The following IGFALS variants were observed in gnomAD, a reference collection of about 807,000 sequenced individuals.
IGFALS encodes the protein insulin like growth factor binding protein acid labile subunit.
A neutral mutation model predicts 2.6 loss-of-function variants in IGFALS; 2 were observed. That is an observed-to-expected ratio of 0.77 (90% CI 0.32 to 2.44). The LOEUF is 2.44. Among genes scored for constraint, IGFALS ranks in the 30% most tolerant of loss-of-function variants. The pLI, the probability that IGFALS is intolerant of heterozygous loss-of-function variation, is 0.11. For synonymous variants in IGFALS, 519 were observed against 431.9 expected (o/e 1.20, Z -2.50); for missense variants, 996 against 848.7 (o/e 1.17, Z -2.16).
At chr16:1,794,708 G>T, upstream of IGFALS, 1 of 621,274 alleles carries the variant, frequency 1.6e-6, no homozygotes, top group Non-Finnish European at 2.9e-6. Flanking sequence ...AGTGGGGCCT[G>T]CCCACCAGTC....
At position 1,791,782 on chromosome 16, in the gene IGFALS, C is replaced by G. The variant is rs776813506; in HGVS notation, c.636G>C (p.Ala212=). 2 of 1,548,152 alleles carry G rather than the reference C, an allele frequency of 1.3e-6. No homozygotes were observed. Among genetic ancestry groups the G allele is most frequent in the Admixed American group, 1.9e-5 (1 of 51,822 alleles). Residue 212 remains alanine (A), a synonymous_variant, in exon 2 of 2, where the codon GCG becomes GCC. Coordinates refer to ENST00000215539, the MANE Select transcript of IGFALS (RefSeq NM_004970.3). ...GGAGCTCGGCCAGGCCGCTGAAGAGCGCGGGCTGCAGGTAGGCCAGCCTGT... is the reference window on the plus strand; with the variant it reads ...GGAGCTCGGCCAGGCCGCTGAAGAGGGCGGGCTGCAGGTAGGCCAGCCTGT... ...AGNRLAYLQP[A]LFSGLAELRE...
At chr16:1,792,972 G>A (rs28469124) in intron 1 of IGFALS, among the ~76,000 whole-genome samples, 4 of 152,122 alleles carry the variant, frequency 2.6e-5, no homozygotes, top group African/African-American at 7.2e-5. Flanking sequence ...CACCGCCGTC[G>A]GGGGACAGGT....
chr16:1,791,004 C>G lies in IGFALS; in HGVS notation c.1414G>C (p.Glu472Gln), dbSNP rs762140953. The G allele has an allele frequency of 1.3e-5, 20 of 1,597,934 alleles. No homozygotes were observed. The highest frequency in any genetic ancestry group is 1.4e-5 in the Non-Finnish European group (16 of 1,179,616). Reference sequence around the variant, plus strand: ...GGGCCCAGGGCGTCCGCCGGCAGCTCTGCCAGGCGGTTGCGGGAGAGCAGC... The same window carrying G: ...GGGCCCAGGGCGTCCGCCGGCAGCTGTGCCAGGCGGTTGCGGGAGAGCAGC... ...YLLLSRNRLA[E>Q]LPADALGPLQ... Residue 472 changes from glutamate (E) to glutamine (Q), a missense_variant, in exon 2 of 2, where the codon GAG (glutamate) becomes CAG (glutamine). Transcript: ENST00000215539.
intron 1 of IGFALS, among the ~76,000 whole-genome samples, 165 bp downstream of exon 1, chr16:1,793,472 C>T (rs1412525205): frequency 6.6e-6 from 1 of 152,100 alleles, no homozygotes; most frequent in Non-Finnish European, 1.5e-5. Context: ...CCTGCCAACC[C>T]CAGCAGCCGC....
rs761807331 is a variant in IGFALS at position 1,791,546 on chromosome 16, C to T, written c.872G>A (p.Gly291Asp). 128 of 1,578,158 alleles carry T rather than the reference C, an allele frequency of 8.1e-5. No homozygotes were observed. The highest frequency in any genetic ancestry group is 1.0e-4 in the Non-Finnish European group (119 of 1,163,816). The change falls in exon 2 of 2, where the codon GGC (glycine) becomes GAC (aspartate). Residue 291 changes from glycine (G) to aspartate (D), a missense_variant. Physicochemically the swap from Gly to Asp is moderately conservative, Grantham distance 94. Coordinates refer to ENST00000215539, the MANE Select transcript of IGFALS (RefSeq NM_004970.3). ...LLEDTFPGLL[G>D]LRVLRLSHNA... ...GTGGGACAGCCGCAGCACACGCAGG[C>T]CCAGCAGACCGGGGAACGTGTCCTC...
At chr16:1,794,872 C>T (rs994326170), upstream of IGFALS, 95 of 702,196 alleles carry the variant, frequency 1.4e-4, 2 homozygotes, top group Admixed American at 2.0e-5. Flanking sequence ...TGGGAAGCCG[C>T]CGGCCCACTG....
Position 1,790,980 on chromosome 16 carries a change from G to T in IGFALS, c.1438C>A (p.Pro480Thr). Reference protein sequence around the residue: ...LAELPADALGPLQRAFWLDVS... With the variant: ...LAELPADALGTLQRAFWLDVS... The stretch of plus-strand genomic sequence containing the variant: ...TCCAGCCAGAAGGCCCGCTGCAGGG[G>T]GCCCAGGGCGTCCGCCGGCAGCTCT... Residue 480 changes from proline (P) to threonine (T), a missense_variant, in exon 2 of 2, where the codon CCC becomes ACC. By Grantham distance (38) the Pro-to-Thr change is conservative. Transcript: ENST00000215539. 3 of 1,597,288 alleles carry T rather than the reference G, an allele frequency of 1.9e-6. No homozygotes were observed. Among genetic ancestry groups the T allele is most frequent in the Non-Finnish European group, 2.5e-6 (3 of 1,179,332 alleles).
At position 1,791,576 on chromosome 16, in the gene IGFALS, A is replaced by C; in HGVS notation, c.842T>G (p.Leu281Arg). Residue 281 changes from leucine (L) to arginine (R), a missense_variant, in exon 2 of 2, where the codon CTC becomes CGC. Physicochemically the swap from Leu to Arg is moderately radical, Grantham distance 102 (BLOSUM62 -2). Coordinates refer to ENST00000215539, the MANE Select transcript of IGFALS (RefSeq NM_004970.3). ...CAGACCGGGGAACGTGTCCTCCAGG[A>C]GGCCAGCCACGCGGTTGTGGGACAG... ...LDLSHNRVAGLLEDTFPGLLG... is the reference protein window; with the variant it reads ...LDLSHNRVAGRLEDTFPGLLG... 6.4e-7 allele frequency: 1 copy of C among 1,564,094 alleles called. No homozygotes were observed. The highest frequency in any genetic ancestry group is 8.6e-7 in the Non-Finnish European group (1 of 1,156,398).
In IGFALS at chr16:1,791,255, A is replaced by G. The variant is rs1897217760; in HGVS notation, c.1163T>C (p.Leu388Pro). ...GCTGCCCTCCAGGTGCAGGCTGTGCAGCTTGCCCAGGCCCCGGAACACCTG... is the reference window on the plus strand; with the variant it reads ...GCTGCCCTCCAGGTGCAGGCTGTGCGGCTTGCCCAGGCCCCGGAACACCTG... The part of the protein sequence containing the change: ...PEQVFRGLGK[L>P]HSLHLEGSCL... Residue 388 changes from leucine (L) to proline (P), a missense_variant, in exon 2 of 2, where the codon CTG becomes CCG. Leu to Pro is a moderately conservative substitution (Grantham distance 98, BLOSUM62 -3). Coordinates refer to ENST00000215539, the MANE Select transcript of IGFALS (RefSeq NM_004970.3). 1 of 1,608,942 alleles carries G rather than the reference A, an allele frequency of 6.2e-7. No homozygotes were observed. The highest frequency in any genetic ancestry group is 1.3e-5 in the African/African-American group (1 of 74,928).
At position 1,790,851 on chromosome 16, in the gene IGFALS, G is replaced by A. The variant is rs1474520692; in HGVS notation, c.1567C>T (p.Pro523Ser). ...AGGCGCTCCAGGCCCGGGGGCTGCG[G>A]CGTGAAGGTCCGCAGTGAGTTGTTC... ...LRNNSLRTFT[P>S]QPPGLERLWL... Residue 523 changes from proline to serine, a missense_variant, in exon 2 of 2, where the codon CCG becomes TCG. Physicochemically the swap from Pro to Ser is moderately conservative, Grantham distance 74. Coordinates refer to ENST00000215539, the MANE Select transcript of IGFALS (RefSeq NM_004970.3). 6.4e-7 allele frequency: 1 copy of A among 1,566,724 alleles called. No homozygotes were observed. Among genetic ancestry groups the A allele is most frequent in the Non-Finnish European group, 8.6e-7 (1 of 1,157,020 alleles).
At position 1,791,714 on chromosome 16, in the gene IGFALS, G is replaced by T; in HGVS notation, c.704C>A (p.Ala235Glu). Reference protein sequence around the residue: ...LSRNALRAIKANVFVQLPRLQ... With the variant: ...LSRNALRAIKENVFVQLPRLQ... ...CCGGGGCAGCTGCACGAACACGTTTGCCTTGATGGCCCGCAGCGCGTTCCT... is the reference window on the plus strand; with the variant it reads ...CCGGGGCAGCTGCACGAACACGTTTTCCTTGATGGCCCGCAGCGCGTTCCT... The change falls in exon 2 of 2, where the codon GCA (alanine) becomes GAA (glutamate). Residue 235 changes from alanine to glutamate, a missense_variant. Ala to Glu is a moderately radical substitution (Grantham distance 107). Transcript: ENST00000215539. 6.4e-7 allele frequency: 1 copy of T among 1,564,748 alleles called. No homozygotes were observed.
rs766055372 is a variant in IGFALS, at chr16:1,792,223, G to A, written c.195C>T (p.Leu65=). The A allele has an allele frequency of 6.2e-7, 1 of 1,606,948 alleles. No homozygotes were observed. Residue 65 remains leucine, a synonymous_variant, in exon 2 of 2, where the codon CTC becomes CTT. Coordinates refer to ENST00000215539, the MANE Select transcript of IGFALS (RefSeq NM_004970.3). ...ELSVFCSSRN[L]TRLPDGVPGG... ...CCGGGACTCCATCAGGCAGGCGCGT[G>A]AGGTTCCTGGAGCTGCAGAAGACGC...
rs1567241420 is a variant in IGFALS, at chr16:1,791,586, CG to C, written c.831del (p.Val278TrpfsTer68). The C allele has an allele frequency of 6.4e-7, 1 of 1,563,386 alleles. No homozygotes were observed. Among genetic ancestry groups the C allele is most frequent in the East Asian group, 2.4e-5 (1 of 41,624 alleles). On this transcript the variant is annotated frameshift_variant, in exon 2 of 2. Transcript: ENST00000215539. LOFTEE classifies it low-confidence loss of function (END_TRUNC). The part of the protein sequence containing the change: ...ALRWLDLSHN[R>X]VAGLLEDTFP... The stretch of plus-strand genomic sequence containing the variant: ...AACGTGTCCTCCAGGAGGCCAGCCA[CG>C]CGGTTGTGGGACAGGTCCAGCCATC...
At position 1,791,097 on chromosome 16, in the gene IGFALS, G is replaced by A. The variant is rs1238341207; in HGVS notation, c.1321C>T (p.Leu441=). ...WGLAELLELD[L]TSNQLTHLPH... ...AGGTGCGTGAGCTGGTTGGAGGTCA[G>A]GTCGAGCTCCAGCAGCTCCGCCAGC... The change falls in exon 2 of 2, where the codon CTG becomes TTG. Residue 441 remains leucine, a synonymous_variant. Transcript: ENST00000215539. The A allele has an allele frequency of 6.2e-7, 1 of 1,600,698 alleles. No individual in the cohort carries two copies. The highest frequency in any genetic ancestry group is 1.7e-5 in the Admixed American group (1 of 60,000).
chr16:1,790,629 G>A lies in IGFALS; in HGVS notation c.1789C>T (p.Leu597Phe), dbSNP rs766112684. Residue 597 changes from leucine (L) to phenylalanine (F), a missense_variant, in exon 2 of 2, where the codon CTC (leucine) becomes TTC (phenylalanine). Physicochemically the swap from Leu to Phe is conservative, Grantham distance 22. Transcript: ENST00000215539. ...CAGGGAGCAAAGTGGGCCTCGCTGA[G>A]GTCCCGCAGGTCGAGCCCCACGACC... ...PEVVGLDLRD[L>F]SEAHFAPC 6.3e-7 allele frequency: 1 copy of A among 1,579,142 alleles called. No individual in the cohort carries two copies. The highest frequency in any genetic ancestry group is 8.6e-7 in the Non-Finnish European group (1 of 1,163,694).
In IGFALS at chr16:1,791,816, A is replaced by G; in HGVS notation, c.602T>C (p.Leu201Pro). 1.3e-6 allele frequency: 2 copies of G among 1,549,612 alleles called. No individual in the cohort carries two copies. Among genetic ancestry groups the G allele is most frequent in the Non-Finnish European group, 1.7e-6 (2 of 1,149,252 alleles). Reference protein sequence around the residue: ...RGLGSLRELVLAGNRLAYLQP... With the variant: ...RGLGSLRELVPAGNRLAYLQP... ...CAGGTAGGCCAGCCTGTTGCCCGCC[A>G]GCACCAGCTCGCGCAGGCTGCCCAG... The change falls in exon 2 of 2, where the codon CTG (leucine) becomes CCG (proline). Residue 201 changes from leucine (L) to proline (P), a missense_variant. Coordinates refer to ENST00000215539, the MANE Select transcript of IGFALS (RefSeq NM_004970.3).
At position 1,791,545 on chromosome 16, in the gene IGFALS, G is replaced by A; in HGVS notation, c.873C>T (p.Gly291=). Residue 291 remains glycine, a synonymous_variant, in exon 2 of 2, where the codon GGC becomes GGT. Transcript: ENST00000215539. ...LLEDTFPGLL[G]LRVLRLSHNA... ...TGTGGGACAGCCGCAGCACACGCAGGCCCAGCAGACCGGGGAACGTGTCCT... is the reference window on the plus strand; with the variant it reads ...TGTGGGACAGCCGCAGCACACGCAGACCCAGCAGACCGGGGAACGTGTCCT... The A allele has an allele frequency of 1.3e-6, 2 of 1,580,538 alleles. No individual in the cohort carries two copies. Among genetic ancestry groups the A allele is most frequent in the Non-Finnish European group, 1.7e-6 (2 of 1,164,980 alleles).
At chr16:1,794,816 C>T, upstream of IGFALS, 1 of 702,072 alleles carries the variant, frequency 1.4e-6, no homozygotes, top group Non-Finnish European at 2.6e-6. Context: ...AGGGCCCTAC[C>T]CCATCCTCAG....
chr16:1,793,750 C>A (rs1477060185), upstream of IGFALS: 2 of 1,293,838 alleles, frequency 1.5e-6, no homozygotes, highest in Non-Finnish European at 2.1e-6. Flanking sequence ...CGGGGCAGCC[C>A]GCGCCTGTCA....
Sources: gnomAD v4.1 joint callset for allele counts (sites outside exome capture counted in the v4.1 genomes callset) on GRCh38, gnomAD v4.1.1 for gene constraint, MANE v1.5 for transcripts, NCBI Gene and HGNC (gene_info 2026-07-23, HGNC 2026-07-21) for gene names.